The following ACOX1 variants were observed in gnomAD, a reference collection of about 807,000 sequenced individuals.
The protein encoded by ACOX1 is acyl-CoA oxidase 1.
In ACOX1, 41 loss-of-function variants were observed where a neutral mutation model predicts 75.5. That is an observed-to-expected ratio of 0.54 (90% CI 0.42 to 0.70). ACOX1 has a LOEUF of 0.70. Among genes scored for constraint, ACOX1 ranks in the 30% least tolerant of loss-of-function variants. ACOX1 has a pLI of 0.00. For synonymous variants in ACOX1, 303 were observed against 298.8 expected, an observed-to-expected ratio of 1.01 and a Z score of -0.15; for missense variants, 630 against 837.5, an observed-to-expected ratio of 0.75 and a Z score of 3.06.
intron 4 of ACOX1, among the ~76,000 whole-genome samples, chr17:75,957,067 A>G (rs2065840261): frequency 6.9e-6 from 1 of 145,860 alleles, no homozygotes; most frequent in South Asian, 2.2e-4. Flanking sequence ...ATGTACACAC[A>G]CCACACACAC....
At chr17:75,954,347 C>G (rs2065802769) in intron 6 of ACOX1, among the ~76,000 whole-genome samples, 2 of 151,144 alleles carry the variant, frequency 1.3e-5, no homozygotes, top group African/African-American at 4.9e-5. Context: ...AGGGTGAAAC[C>G]CCACCTCTAC....
At chr17:75,961,271 C>T (rs1482340858) in intron 2 of ACOX1, among the ~76,000 whole-genome samples, 1 of 140,464 alleles carries the variant, frequency 7.1e-6, no homozygotes, top group Non-Finnish European at 1.5e-5. Flanking sequence ...CTAGCCTGGG[C>T]GACACAGTGA....
rs376276597 is a variant in ACOX1, at chr17:75,953,404, A to T, written c.944+47T>A. On this transcript the variant is annotated intron_variant, in intron 7 of 13. Transcript: ENST00000293217. ...GGGAATTCTGGGATCTGAATGGGGT[A>T]AAAACTAGGCCTTTGGTACTGAGCC... 7.5e-6 allele frequency: 12 copies of T among 1,604,414 alleles called. No individual in the cohort carries two copies. The Middle Eastern group carries it at 5.5e-4, about 73-fold the overall frequency.
intron 2 of ACOX1, among the ~76,000 whole-genome samples, chr17:75,970,215 AG>A (rs2065981663): frequency 6.7e-6 from 1 of 148,772 alleles, no homozygotes. Context: ...GAAGGAAGGA[AG>A]GAAGTGAGCA....
At chr17:75,951,108 C>A (rs950144717) in intron 8 of ACOX1, 144 bp from the exon 9 acceptor site, 1 of 935,560 alleles carries the variant, frequency 1.1e-6, no homozygotes, top group South Asian at 1.4e-5. Flanking sequence ...CACAGCTGTC[C>A]GACTGGCCAG....
chr17:75,976,697 C>T (rs1334986773), intron 2 of ACOX1, among the ~76,000 whole-genome samples: 1 of 152,156 alleles, frequency 6.6e-6, no homozygotes, highest in Non-Finnish European at 1.5e-5. Flanking sequence ...TAAACCATTT[C>T]ATCTTCACAA....
rs2065763707 is a variant in ACOX1, at chr17:75,950,380, GGGATTAC to G, written c.1298+387_1298+393del. Among the ~76,000 whole-genome samples, 1 of 152,100 alleles carries G rather than the reference GGGATTAC, an allele frequency of 6.6e-6. No homozygotes were observed. Among genetic ancestry groups the G allele is most frequent in the Non-Finnish European group, 1.5e-5 (1 of 68,026 alleles). The stretch of plus-strand genomic sequence containing the variant: ...TCTGCCTCAGCCTCCCAAGTAGGCC[GGGATTAC>G]AGGCAATGTGCCATCATGCCCGGCT... On this transcript the variant is annotated intron_variant, in intron 9 of 13. Coordinates refer to ENST00000293217, the MANE Select transcript of ACOX1 (RefSeq NM_004035.7). This position sits in a 1 kb window ranked among gnomAD's most constrained non-coding sequence, Gnocchi z 4.3.
rs148407756 is a variant in ACOX1, at chr17:75,953,508, G to C, written c.887C>G (p.Ala296Gly). The C allele has an allele frequency of 5.6e-6, 9 of 1,614,136 alleles. No individual in the cohort carries two copies. The highest frequency in any genetic ancestry group is 6.8e-6 in the Non-Finnish European group (8 of 1,180,004). The change falls in exon 7 of 14, where the codon GCG becomes GGG. Residue 296 changes from alanine (A) to glycine (G), a missense_variant. By Grantham distance (60) the Ala-to-Gly change is moderately conservative. Coordinates refer to ENST00000293217, the MANE Select transcript of ACOX1 (RefSeq NM_004035.7). The part of the protein sequence containing the change: ...VGEAARALSK[A>G]CTIAIRYSAV... ...GCTGTATCGGATGGCAATGGTGCAC[G>C]CCTTAGACAGAGCCCGAGCAGCTTC...
Position 75,961,311 on chromosome 17 carries a change from A to G in ACOX1, c.270-936T>C, listed in dbSNP as rs532346066. 3.2e-4 allele frequency among the ~76,000 whole-genome samples: 47 copies of G among 146,988 alleles called. 2 individuals are homozygous for G. In the South Asian group the frequency reaches 9.0e-3, roughly 28 times the overall value. On this transcript the variant is annotated intron_variant, in intron 2 of 13. Coordinates refer to ENST00000293217, the MANE Select transcript of ACOX1 (RefSeq NM_004035.7). Reference sequence around the variant, plus strand: ...CCATCTCAAAAAAAAAAAAAAAAAGAGAGAGAGAATTTGAAAAGTTGTATA... The same window carrying G: ...CCATCTCAAAAAAAAAAAAAAAAAGGGAGAGAGAATTTGAAAAGTTGTATA...
At chr17:75,953,663 C>T in intron 6 of ACOX1, 43 bp from the exon 7 acceptor site, 1 of 1,610,778 alleles carries the variant, frequency 6.2e-7, no homozygotes, top group Non-Finnish European at 8.5e-7. Context: ...CTTTTAAGCC[C>T]AAGAGGCAGT....
chr17:75,950,632 G>A lies in ACOX1; in HGVS notation c.1298+142C>T. 1.2e-6 allele frequency: 1 copy of A among 849,404 alleles called. No homozygotes were observed. The highest frequency in any genetic ancestry group is 1.9e-6 in the Non-Finnish European group (1 of 539,144). The allele number at this position is 849,404 out of a possible 1,614,324, so 52.6% of individuals were successfully genotyped here. On this transcript the variant is annotated intron_variant, in intron 9 of 13. Coordinates refer to ENST00000293217, the MANE Select transcript of ACOX1 (RefSeq NM_004035.7). This position sits in a 1 kb window ranked among gnomAD's most constrained non-coding sequence, Gnocchi z 4.3. ...AGCCTCACCACGAAATAAAAACCGT[G>A]AGTCAGGATGGAAGGCAAAAGTATA...
chr17:75,962,920 T>A (rs1215143704), intron 2 of ACOX1, among the ~76,000 whole-genome samples: 4 of 151,306 alleles, frequency 2.6e-5, no homozygotes, highest in Admixed American at 1.3e-4. Context: ...TCACCTGAGG[T>A]TGGAGTTCAA....
In ACOX1 at chr17:75,978,667, A is replaced by C; in HGVS notation, c.136T>G (p.Phe46Val). 6.2e-7 allele frequency: 1 copy of C among 1,614,204 alleles called. No homozygotes were observed. The highest frequency in any genetic ancestry group is 8.5e-7 in the Non-Finnish European group (1 of 1,180,036). ...AGGAAGTTCAAGTCCTCATGCTGGA[A>C]GTCTGGGTCGTTCAGGATCATGTTC... ...IENMILNDPD[F>V]QHEDLNFLTR... The change falls in exon 2 of 14, where the codon TTC (phenylalanine) becomes GTC (valine). Residue 46 changes from phenylalanine (F) to valine (V), a missense_variant. Phe to Val is a conservative substitution (Grantham distance 50). Around this residue, in one of 2 missense-constraint regions of ACOX1, gnomAD observed 390 missense variants for 574.9 expected, o/e 0.68. Transcript: ENST00000293217. This position sits in a 1 kb window ranked among gnomAD's most constrained non-coding sequence, Gnocchi z 4.2.
chr17:75,972,767 T>A (rs964059445), intron 2 of ACOX1, among the ~76,000 whole-genome samples: 1 of 151,862 alleles, frequency 6.6e-6, no homozygotes, highest in African/African-American at 2.4e-5. Context: ...GTCTGGAACA[T>A]CAAACCATGA....
chr17:75,972,992 T>C (rs1003224793), intron 2 of ACOX1, among the ~76,000 whole-genome samples: 2 of 152,230 alleles, frequency 1.3e-5, no homozygotes, highest in African/African-American at 2.4e-5. Context: ...GCCTTGTCTA[T>C]GAAAACAAAC....
At chr17:75,947,614 T>C (rs2065733534) in intron 13 of ACOX1, among the ~76,000 whole-genome samples, 2 of 152,102 alleles carry the variant, frequency 1.3e-5, no homozygotes, top group African/African-American at 4.8e-5. Context: ...CACGAGTTGA[T>C]AGTCATTGCT....
intron 2 of ACOX1, among the ~76,000 whole-genome samples, chr17:75,972,645 C>CAA (rs10606220): frequency 1.6e-4 from 16 of 99,184 alleles, no homozygotes; most frequent in South Asian, 3.5e-4. Flanking sequence ...AACTCTGTCT[C>CAA]AAAAAAAAAA....
At chr17:75,951,310 T>C (rs2144241809) in intron 8 of ACOX1, 105 bp downstream of exon 8, 2 of 1,401,062 alleles carry the variant, frequency 1.4e-6, no homozygotes, top group South Asian at 1.2e-5. Flanking sequence ...TCAGAATACA[T>C]ACTTCTTTTC....
intron 2 of ACOX1, among the ~76,000 whole-genome samples, chr17:75,971,082 G>A (rs1202326521): frequency 6.6e-6 from 1 of 151,738 alleles, no homozygotes; most frequent in Non-Finnish European, 1.5e-5. Flanking sequence ...ACCTAAGGTC[G>A]GGAGTTCGAG....
Sources: allele counts gnomAD v4.1 joint callset (sites outside exome capture counted in the v4.1 genomes callset), GRCh38; gene constraint gnomAD v4.1.1; regional missense constraint gnomAD v4.1.1; non-coding constraint Gnocchi (gnomAD v3.1); transcripts MANE v1.5; gene names NCBI Gene and HGNC (gene_info 2026-07-23, HGNC 2026-07-21).